SH3KBP1: variants seen among roughly 807,000 people sequenced by gnomAD.
SH3KBP1 encodes the protein SH3 domain-containing kinase-binding protein 1.
SH3KBP1 carries 8 observed loss-of-function variants against 50.1 expected under a neutral mutation model. The observed-to-expected ratio is 0.16, with a 90% confidence interval of 0.09 to 0.29. The LOEUF (loss-of-function observed/expected upper bound fraction) is 0.29. Ranked by LOEUF, SH3KBP1 falls within the 10% of genes least tolerant of loss-of-function variation. SH3KBP1 has a pLI of 1.00. For synonymous variants in SH3KBP1, 227 were observed against 218.6 expected (o/e 1.04, Z -0.34); for missense variants, 377 against 535.2 (o/e 0.70, Z 2.92).
chrX:19,691,302 CGCAT>C (rs1304816220), intron 5 of SH3KBP1, among the ~76,000 whole-genome samples: 6 of 103,271 alleles, frequency 5.8e-5, no homozygotes, highest in South Asian at 4.3e-4. Context: ...CACGCACGCA[CGCAT>C]GCGCACTCAA....
In SH3KBP1 at chrX:19,687,876, A is replaced by G. The variant is rs913753963; in HGVS notation, c.521-3848T>C. On this transcript the variant is annotated intron_variant, in intron 5 of 17. Transcript: ENST00000397821. ...TAGGCAGGATTTAAGAATGTTACAG[A>G]ATGAGCCCAAAGTCCCCATGCAACC... is the stretch of plus-strand genomic sequence containing the variant. 3.6e-5 allele frequency among the ~76,000 whole-genome samples: 4 copies of G among 112,232 alleles called. No individual in the cohort carries two copies. The Admixed American group carries it at 3.8e-4, about 11-fold the overall frequency.
intron 2 of SH3KBP1, among the ~76,000 whole-genome samples, chrX:19,774,400 G>A (rs757356213): frequency 1.8e-5 from 2 of 110,860 alleles, no homozygotes; most frequent in Non-Finnish European, 1.9e-5. Context: ...CGCCGGGCGC[G>A]GTGGCTCACA....
At chrX:19,749,040 C>T (rs1025955497) in intron 2 of SH3KBP1, among the ~76,000 whole-genome samples, 6 of 112,307 alleles carry the variant, frequency 5.3e-5, no homozygotes, top group Admixed American at 9.4e-5. Flanking sequence ...GCATGTGACA[C>T]GATGTTCAAC....
At chrX:19,584,492 C>T (rs2066497700) in intron 12 of SH3KBP1, among the ~76,000 whole-genome samples, 2 of 106,907 alleles carry the variant, frequency 1.9e-5, no homozygotes, top group Admixed American at 2.1e-4. Flanking sequence ...ACCATGCCTG[C>T]ATAATTTTTA....
chrX:19,778,946 CTCAT>C (rs775863365), intron 2 of SH3KBP1, among the ~76,000 whole-genome samples: 159 of 109,904 alleles, frequency 1.4e-3, no homozygotes, highest in Non-Finnish European at 2.2e-3. Context: ...TTGTCATTCA[CTCAT>C]TCATTCATTA....
chrX:19,732,923 T>C (rs1249171155), intron 3 of SH3KBP1, among the ~76,000 whole-genome samples: 1 of 111,702 alleles, frequency 9.0e-6, no homozygotes, highest in African/African-American at 3.3e-5. Flanking sequence ...TATCTGGGAA[T>C]AACGTCATCA....
At chrX:19,734,485 T>C (rs1028303207) in intron 3 of SH3KBP1, among the ~76,000 whole-genome samples, 1 of 111,865 alleles carries the variant, frequency 8.9e-6, no homozygotes, top group Non-Finnish European at 1.9e-5. Context: ...CAGACAGACA[T>C]AGCATTTTAA....
intron 9 of SH3KBP1, among the ~76,000 whole-genome samples, chrX:19,606,843 C>G (rs1383968226): frequency 8.9e-6 from 1 of 111,784 alleles, no homozygotes; most frequent in African/African-American, 3.3e-5. Flanking sequence ...AATCCAGATT[C>G]TCTAGAACCC....
intron 3 of SH3KBP1, among the ~76,000 whole-genome samples, chrX:19,710,353 G>A (rs1255929864): frequency 9.0e-6 from 1 of 111,365 alleles, no homozygotes. Flanking sequence ...GTGACTCCAC[G>A]ATCCAGGATC....
intron 14 of SH3KBP1, among the ~76,000 whole-genome samples, 192 bp from the exon 15 acceptor site, chrX:19,546,242 G>A (rs1356694686): frequency 8.9e-6 from 1 of 112,429 alleles, no homozygotes. Flanking sequence ...GCAGAACTGC[G>A]ACTAAGAAGC....
intron 3 of SH3KBP1, among the ~76,000 whole-genome samples, chrX:19,716,907 G>A (rs1285219941): frequency 1.8e-5 from 2 of 111,354 alleles, no homozygotes; most frequent in African/African-American, 6.5e-5. Context: ...GTGGACTCTG[G>A]ATGCCAAGCT....
chrX:19,588,930 G>GCCTT, intron 11 of SH3KBP1, 128 bp from the exon 12 acceptor site: 1 of 566,030 alleles, frequency 1.8e-6, no homozygotes, highest in Non-Finnish European at 2.6e-6. Context: ...ATCATGGAAG[G>GCCTT]CCAAGAGCAC....
Position 19,632,666 on chromosome X carries a change from G to A in SH3KBP1, c.803-708C>T, listed in dbSNP as rs1189865075. ...TCACCAAAGAGGGAAAAATACTAAG[G>A]CCACTAAAAATCGATTTAAGTATGT... On this transcript the variant is annotated intron_variant, in intron 7 of 17. Transcript: ENST00000397821. Among the ~76,000 whole-genome samples the A allele has an allele frequency of 2.7e-5, 3 of 112,496 alleles. No homozygotes were observed. In the Admixed American group the frequency reaches 2.8e-4, roughly 11 times the overall value.
chrX:19,763,752 T>C (rs2065501996), intron 2 of SH3KBP1, among the ~76,000 whole-genome samples: 1 of 111,585 alleles, frequency 9.0e-6, no homozygotes, highest in African/African-American at 3.3e-5. Context: ...CCGGGCACGG[T>C]GGCTCATGCC....
intron 3 of SH3KBP1, among the ~76,000 whole-genome samples, chrX:19,731,868 A>G (rs756549264): frequency 1.3e-4 from 15 of 112,117 alleles, no homozygotes; most frequent in African/African-American, 4.5e-4. Context: ...GCGGAAGAAT[A>G]AAAATGCATT....
intron 11 of SH3KBP1, among the ~76,000 whole-genome samples, chrX:19,590,809 ATTTTTT>A (rs34366083): frequency 1.3e-4 from 3 of 23,757 alleles, no homozygotes; most frequent in Non-Finnish European, 2.2e-4. Flanking sequence ...AGGCCTGGCT[ATTTTTT>A]TTTTTTTTTT....
intron 15 of SH3KBP1, among the ~76,000 whole-genome samples, chrX:19,544,940 T>C (rs1163531883): frequency 8.9e-6 from 1 of 112,064 alleles, no homozygotes; most frequent in East Asian, 2.8e-4. Context: ...ACTATACCTA[T>C]GGTCACCAGA....
rs377469455 is a variant in SH3KBP1 at position 19,792,712 on chromosome X, A to C, written c.162+43413T>G. Among the ~76,000 whole-genome samples the C allele has an allele frequency of 4.2e-3, 418 of 99,961 alleles. 2 individuals are homozygous for C. The highest frequency in any genetic ancestry group is 0.015 in the African/African-American group (398 of 26,655). The allele number at this position is 99,961 out of a possible 115,157, so 86.8% of individuals were successfully genotyped here. On this transcript the variant is annotated intron_variant, in intron 2 of 17. Coordinates refer to ENST00000397821, the MANE Select transcript of SH3KBP1 (RefSeq NM_031892.3). ...TCCTAACCAGAGGCAATTGTGCCCC[A>C]GCAAGGGACATTTGGTAATGTCTGG...
chrX:19,760,482 C>G (rs1297442379), intron 2 of SH3KBP1, among the ~76,000 whole-genome samples: 2 of 109,900 alleles, frequency 1.8e-5, no homozygotes, highest in African/African-American at 6.6e-5. Context: ...GGATGGCTAT[C>G]TAGAGCTGAA....
Sources: allele counts gnomAD v4.1 joint callset (sites outside exome capture counted in the v4.1 genomes callset), GRCh38; gene constraint gnomAD v4.1.1; transcripts MANE v1.5; gene names NCBI Gene and HGNC (gene_info 2026-07-23, HGNC 2026-07-21).